Variants in SEMA3E observed in about 807,000 individuals in gnomAD.
SEMA3E encodes the protein semaphorin 3E, also known as semaphorin-3E.
In SEMA3E, 49 loss-of-function variants were observed where a neutral mutation model predicts 93.6. The ratio of observed to expected loss-of-function variants is 0.52; its 90% confidence interval spans 0.42 to 0.66. The LOEUF is 0.66. Among genes scored for constraint, SEMA3E ranks in the 30% least tolerant of loss-of-function variants. The pLI is 0.00. For missense variants in SEMA3E, 906 were observed against 964.8 expected, an observed-to-expected ratio of 0.94 and a Z score of 0.81; for synonymous variants, 363 against 330.7, an observed-to-expected ratio of 1.10 and a Z score of -1.06.
At chr7:83,500,477 G>C (rs1236794127) in intron 1 of SEMA3E, among the ~76,000 whole-genome samples, 2 of 151,760 alleles carry the variant, frequency 1.3e-5, no homozygotes, top group African/African-American at 4.8e-5. Context: ...TTACTTAAAG[G>C]AGGGGAGAGA....
At chr7:83,396,214 T>C (rs1420525257) in intron 12 of SEMA3E, among the ~76,000 whole-genome samples, 1 of 150,056 alleles carries the variant, frequency 6.7e-6, no homozygotes, top group Non-Finnish European at 1.5e-5. Context: ...CATCTTCTAT[T>C]GTTTTTCTTT....
chr7:83,619,732 C>A (rs1793505661), intron 1 of SEMA3E, among the ~76,000 whole-genome samples: 1 of 151,570 alleles, frequency 6.6e-6, no homozygotes, highest in Admixed American at 6.6e-5. Context: ...ATGTCCTTCC[C>A]TCACTACATA....
chr7:83,399,846 C>T (rs899815930), intron 11 of SEMA3E, among the ~76,000 whole-genome samples, 182 bp downstream of exon 11: 23 of 152,104 alleles, frequency 1.5e-4, no homozygotes, highest in African/African-American at 4.3e-4. Context: ...GACAACTGGC[C>T]TAAACTCTTA....
chr7:83,450,979 C>T (rs1789347706), intron 4 of SEMA3E, among the ~76,000 whole-genome samples: 2 of 151,648 alleles, frequency 1.3e-5, no homozygotes, highest in African/African-American at 4.9e-5. Context: ...CCCATAATCC[C>T]CCTGGTCATG....
At chr7:83,549,257 TCAA>T (rs1211026890) in intron 1 of SEMA3E, among the ~76,000 whole-genome samples, 1 of 152,146 alleles carries the variant, frequency 6.6e-6, no homozygotes. Flanking sequence ...ATTTAACGTC[TCAA>T]CAAACTAGCA....
chr7:83,451,135 A>G (rs1344651901), intron 4 of SEMA3E, among the ~76,000 whole-genome samples: 1 of 152,174 alleles, frequency 6.6e-6, no homozygotes, highest in Admixed American at 6.5e-5. Context: ...CATGTGAAGA[A>G]GGACAGGTTT....
At chr7:83,529,418 T>C (rs946126873) in intron 1 of SEMA3E, among the ~76,000 whole-genome samples, 1 of 152,100 alleles carries the variant, frequency 6.6e-6, no homozygotes, top group African/African-American at 2.4e-5. Context: ...TAATTTGAGC[T>C]GCCCGTCAAA....
chr7:83,364,574 G>C lies in SEMA3E; in HGVS notation c.*3012C>G, dbSNP rs1193814816. 2 of 152,150 alleles carry C rather than the reference G, an allele frequency of 1.3e-5. No homozygotes were observed. The highest frequency in any genetic ancestry group is 4.8e-5 in the African/African-American group (2 of 41,434). 9.4% of individuals were successfully genotyped at this position (152,150 alleles called of 1,614,324 possible). Reference sequence around the variant, plus strand: ...AAATTAGCAATATAGAATTATAGACGTGGAATCACGAAGTAAAATCTTTTT... The same window carrying C: ...AAATTAGCAATATAGAATTATAGACCTGGAATCACGAAGTAAAATCTTTTT... On this transcript the variant is annotated 3_prime_UTR_variant, in exon 17 of 17. Transcript: ENST00000643230.
At chr7:83,475,940 A>T (rs1790000408) in intron 2 of SEMA3E, among the ~76,000 whole-genome samples, 1 of 152,142 alleles carries the variant, frequency 6.6e-6, no homozygotes, top group Non-Finnish European at 1.5e-5. Context: ...TCACAACAAA[A>T]TCTTTGCTGA....
chr7:83,560,495 G>A (rs1016908995), intron 1 of SEMA3E, among the ~76,000 whole-genome samples: 1 of 151,986 alleles, frequency 6.6e-6, no homozygotes, highest in African/African-American at 2.4e-5. Context: ...GAAATTCAGA[G>A]AAATTTTGTG....
intron 1 of SEMA3E, among the ~76,000 whole-genome samples, chr7:83,565,323 C>T (rs992955217): frequency 4.6e-5 from 7 of 151,790 alleles, no homozygotes; most frequent in South Asian, 2.1e-4. Flanking sequence ...TGTTCTCACT[C>T]ATAAGTAGGA....
chr7:83,372,913 T>C (rs775553874), intron 16 of SEMA3E: 2 of 152,178 alleles, frequency 1.3e-5, no homozygotes, highest in Non-Finnish European at 2.9e-5. Flanking sequence ...TCTTTCCCTG[T>C]CAGTTTACTT....
chr7:83,526,996 T>G (rs1170017764), intron 1 of SEMA3E, among the ~76,000 whole-genome samples: 1 of 152,032 alleles, frequency 6.6e-6, no homozygotes, highest in Non-Finnish European at 1.5e-5. Flanking sequence ...AAATAGAGTC[T>G]TATAAGGTAA....
chr7:83,499,638 G>A (rs1234564585), intron 1 of SEMA3E, among the ~76,000 whole-genome samples: 4 of 152,116 alleles, frequency 2.6e-5, no homozygotes, highest in Non-Finnish European at 4.4e-5. Flanking sequence ...GCCTTTAAAT[G>A]TAGAAATTCG....
intron 1 of SEMA3E, among the ~76,000 whole-genome samples, chr7:83,626,172 G>T (rs1259545798): frequency 6.6e-6 from 1 of 151,956 alleles, no homozygotes; most frequent in African/African-American, 2.4e-5. Context: ...TTTTCTTTTT[G>T]TGTGTGTGTC....
intron 1 of SEMA3E, among the ~76,000 whole-genome samples, chr7:83,572,841 A>T (rs1792315255): frequency 6.6e-6 from 1 of 152,140 alleles, no homozygotes; most frequent in Admixed American, 6.5e-5. Flanking sequence ...AAAACTGGAC[A>T]TCTATTTTTT....
chr7:83,593,515 G>T (rs142187631), intron 1 of SEMA3E, among the ~76,000 whole-genome samples: 1 of 151,928 alleles, frequency 6.6e-6, no homozygotes, highest in East Asian at 1.9e-4. Context: ...ATACAATCAA[G>T]AATACTTAGT....
chr7:83,491,910 C>T (rs563749633), intron 1 of SEMA3E, among the ~76,000 whole-genome samples: 1 of 152,082 alleles, frequency 6.6e-6, no homozygotes, highest in Non-Finnish European at 1.5e-5. Context: ...CCTTTGCATA[C>T]AGCAAGAGAA....
At chr7:83,482,133 A>C (rs537663045) in intron 2 of SEMA3E, among the ~76,000 whole-genome samples, 1 of 152,224 alleles carries the variant, frequency 6.6e-6, no homozygotes, top group Admixed American at 6.5e-5. Flanking sequence ...CAGGATTCTT[A>C]CCCTGTTTGC....
Sources: allele counts gnomAD v4.1 joint callset (sites outside exome capture counted in the v4.1 genomes callset), GRCh38; gene constraint gnomAD v4.1.1; transcripts MANE v1.5; gene names NCBI Gene and HGNC (gene_info 2026-07-23, HGNC 2026-07-21).